CNTN4: variants seen among roughly 807,000 people sequenced by gnomAD.
The protein encoded by CNTN4 is contactin-4.
A neutral mutation model predicts 122.5 loss-of-function variants in CNTN4; 77 were observed. That is an observed-to-expected ratio of 0.63 (90% CI 0.52 to 0.76). The LOEUF (loss-of-function observed/expected upper bound fraction) is 0.76. Ranked by LOEUF, CNTN4 falls within the 30% of genes least tolerant of loss-of-function variation. The pLI, the probability that CNTN4 is intolerant of heterozygous loss-of-function variation, is 0.00. For synonymous variants in CNTN4, 512 were observed against 447.0 expected, an observed-to-expected ratio of 1.15 and a Z score of -1.83; for missense variants, 1,256 against 1,259.1, an observed-to-expected ratio of 1.00 and a Z score of 0.04.
intron 13 of CNTN4, among the ~76,000 whole-genome samples, chr3:2,939,565 C>T (rs993699840): frequency 6.6e-6 from 1 of 151,950 alleles, no homozygotes; most frequent in African/African-American, 2.4e-5. Flanking sequence ...CCTTCCATGC[C>T]CCTAAAAATG....
intron 6 of CNTN4, among the ~76,000 whole-genome samples, chr3:2,760,881 A>G (rs1455131586): frequency 6.6e-6 from 1 of 152,164 alleles, no homozygotes; most frequent in Non-Finnish European, 1.5e-5. Context: ...TTGTCTGCAA[A>G]CAACCACTCA....
rs549839660 is a variant in CNTN4 at position 2,905,798 on chromosome 3, C to T, written c.1207+2793C>T. Among the ~76,000 whole-genome samples, 4 of 152,264 alleles carry T rather than the reference C, an allele frequency of 2.6e-5. No individual in the cohort carries two copies. The South Asian group carries it at 6.2e-4, about 24-fold the overall frequency. ...TAGGGGGCTGGGCTGGAAAGCTAAG[C>T]CCTGAACAATTTAGATTTTGACAAA... On this transcript the variant is annotated intron_variant, in intron 12 of 24. Transcript: ENST00000418658.
intron 3 of CNTN4, among the ~76,000 whole-genome samples, chr3:2,470,217 C>T (rs891259451): frequency 2.0e-5 from 3 of 152,100 alleles, no homozygotes; most frequent in Middle Eastern, 3.2e-3. Context: ...GCTGAGATTA[C>T]AGGCACATGC....
At chr3:2,762,909 C>T (rs1343528997) in intron 6 of CNTN4, among the ~76,000 whole-genome samples, 1 of 140,854 alleles carries the variant, frequency 7.1e-6, no homozygotes, top group African/African-American at 2.7e-5. Flanking sequence ...TTTTGATTTG[C>T]ATTTTTCTAA....
At chr3:2,690,772 T>C (rs964665936) in intron 4 of CNTN4, among the ~76,000 whole-genome samples, 3 of 152,184 alleles carry the variant, frequency 2.0e-5, no homozygotes, top group Non-Finnish European at 2.9e-5. Flanking sequence ...TCATAACACA[T>C]GAAAATTCTA....
At chr3:2,617,291 T>TTG (rs2081795572) in intron 4 of CNTN4, among the ~76,000 whole-genome samples, 2 of 151,454 alleles carry the variant, frequency 1.3e-5, no homozygotes, top group Admixed American at 1.3e-4. Context: ...GAACAAATTT[T>TTG]CAAGAAAAAA....
chr3:2,763,282 A>G (rs2090682477), intron 6 of CNTN4, among the ~76,000 whole-genome samples: 3 of 152,114 alleles, frequency 2.0e-5, no homozygotes, highest in Non-Finnish European at 2.9e-5. Context: ...GGCTGCATGT[A>G]TGTCTTCATT....
intron 3 of CNTN4, among the ~76,000 whole-genome samples, chr3:2,477,815 T>G (rs1386830240): frequency 6.6e-6 from 1 of 152,208 alleles, no homozygotes; most frequent in African/African-American, 2.4e-5. Flanking sequence ...TCTAATGAGC[T>G]GTGCGAAAAT....
At chr3:2,712,931 C>T (rs1372066617) in intron 4 of CNTN4, among the ~76,000 whole-genome samples, 3 of 152,188 alleles carry the variant, frequency 2.0e-5, no homozygotes, top group Admixed American at 1.3e-4. Context: ...CGTGGAAGCT[C>T]CACGCCCCTT....
intron 3 of CNTN4, among the ~76,000 whole-genome samples, chr3:2,361,674 T>A (rs970950996): frequency 2.6e-5 from 4 of 152,280 alleles, no homozygotes; most frequent in Middle Eastern, 3.4e-3. Flanking sequence ...TATAAAAAAA[T>A]TTTACTTTTA....
intron 2 of CNTN4, among the ~76,000 whole-genome samples, chr3:2,193,162 T>G (rs146007880): frequency 4.7e-4 from 72 of 152,274 alleles, no homozygotes; most frequent in African/African-American, 1.7e-3. Flanking sequence ...CTGAGAAAAC[T>G]TAGACTTCAA....
chr3:2,448,651 G>A (rs1264697266), intron 3 of CNTN4, among the ~76,000 whole-genome samples: 1 of 152,158 alleles, frequency 6.6e-6, no homozygotes, highest in African/African-American at 2.4e-5. Flanking sequence ...TCTCTGAATG[G>A]ATATATTCTG....
intron 8 of CNTN4, among the ~76,000 whole-genome samples, chr3:2,874,506 G>A (rs1240570630): frequency 6.6e-6 from 1 of 152,168 alleles, no homozygotes; most frequent in Non-Finnish European, 1.5e-5. Context: ...TTGAGTATCT[G>A]TTCTCTACTT....
chr3:2,424,526 A>G (rs988303463), intron 3 of CNTN4, among the ~76,000 whole-genome samples: 3 of 152,130 alleles, frequency 2.0e-5, no homozygotes, highest in African/African-American at 7.2e-5. Context: ...CACTAAACAT[A>G]TGTGTGCATG....
chr3:2,223,776 G>A (rs941310530), intron 2 of CNTN4, among the ~76,000 whole-genome samples: 8 of 152,174 alleles, frequency 5.3e-5, no homozygotes, highest in East Asian at 1.9e-4. Flanking sequence ...GGTAGTATAA[G>A]GGAGGGAAAA....
intron 2 of CNTN4, among the ~76,000 whole-genome samples, chr3:2,142,275 C>G (rs1325943197): frequency 6.6e-6 from 1 of 152,184 alleles, no homozygotes; most frequent in Admixed American, 6.5e-5. Context: ...CATAATTTCT[C>G]CAAAATATAC....
At chr3:2,707,383 A>G (rs1012362987) in intron 4 of CNTN4, among the ~76,000 whole-genome samples, 1 of 152,050 alleles carries the variant, frequency 6.6e-6, no homozygotes, top group Non-Finnish European at 1.5e-5. Context: ...TTTACTTGAA[A>G]TTATAGGAAT....
chr3:2,390,261 A>C (rs2046396431), intron 3 of CNTN4, among the ~76,000 whole-genome samples: 1 of 144,558 alleles, frequency 6.9e-6, no homozygotes, highest in Admixed American at 6.9e-5. Flanking sequence ...TACAGAGGGC[A>C]TAGAAATTAT....
At chr3:2,237,410 G>C (rs894795367) in intron 2 of CNTN4, among the ~76,000 whole-genome samples, 3 of 152,128 alleles carry the variant, frequency 2.0e-5, no homozygotes, top group African/African-American at 7.2e-5. Flanking sequence ...AAGAGTTGAA[G>C]CTGCAGTGAG....
Sources: allele counts gnomAD v4.1 joint callset (sites outside exome capture counted in the v4.1 genomes callset), GRCh38; gene constraint gnomAD v4.1.1; transcripts MANE v1.5; gene names NCBI Gene and HGNC (gene_info 2026-07-23, HGNC 2026-07-21).